Variants in ELMO1 observed in about 807,000 individuals in gnomAD.
The protein encoded by ELMO1 is engulfment and cell motility 1.
A neutral mutation model predicts 98.9 loss-of-function variants in ELMO1; 26 were observed. The observed-to-expected ratio is 0.26, with a 90% CI of 0.19 to 0.36. ELMO1 has a LOEUF of 0.36. Ranked by LOEUF, ELMO1 falls within the 10% of genes least tolerant of loss-of-function variation. ELMO1 has a pLI of 1.00. For synonymous variants in ELMO1, 346 were observed against 346.0 expected (o/e 1.00, Z 0.00); for missense variants, 627 against 935.2 (o/e 0.67, Z 4.30).
At chr7:36,959,828 G>A (rs1046617529) in intron 16 of ELMO1, among the ~76,000 whole-genome samples, 5 of 152,118 alleles carry the variant, frequency 3.3e-5, no homozygotes, top group Admixed American at 3.3e-4. Flanking sequence ...TTACAGGCAC[G>A]TGTGACCATG....
intron 16 of ELMO1, among the ~76,000 whole-genome samples, chr7:36,904,159 G>A (rs1584343685): frequency 6.6e-6 from 1 of 152,340 alleles, no homozygotes; most frequent in East Asian, 1.9e-4. Flanking sequence ...ATCAGAGCTG[G>A]GCAGCAATGA....
At chr7:37,077,358 T>C (rs1027513718) in intron 15 of ELMO1, among the ~76,000 whole-genome samples, 2 of 152,090 alleles carry the variant, frequency 1.3e-5, no homozygotes, top group Non-Finnish European at 2.9e-5. Flanking sequence ...CATTCTGGAA[T>C]GAGGACCCAG....
chr7:37,174,121 G>C (rs1329096159), intron 13 of ELMO1, among the ~76,000 whole-genome samples: 1 of 152,070 alleles, frequency 6.6e-6, no homozygotes, highest in Non-Finnish European at 1.5e-5. Context: ...TTAGTCTTCT[G>C]CCCTTCCCCA....
At chr7:37,050,765 T>C (rs940340363) in intron 15 of ELMO1, among the ~76,000 whole-genome samples, 1 of 147,214 alleles carries the variant, frequency 6.8e-6, no homozygotes, top group African/African-American at 2.6e-5. Context: ...ATACATACAA[T>C]TACCAAAAAA....
At chr7:37,341,683 A>C (rs1381560218) in intron 2 of ELMO1, among the ~76,000 whole-genome samples, 1 of 152,240 alleles carries the variant, frequency 6.6e-6, no homozygotes, top group Non-Finnish European at 1.5e-5. Flanking sequence ...TTGATCTGCC[A>C]CCAGATAATA....
intron 16 of ELMO1, among the ~76,000 whole-genome samples, chr7:36,993,455 T>A (rs1791998985): frequency 6.6e-6 from 1 of 152,178 alleles, no homozygotes; most frequent in East Asian, 1.9e-4. Flanking sequence ...CTTAAACCCA[T>A]CTTTCAATAG....
chr7:37,335,525 G>A (rs1401883430), intron 2 of ELMO1, among the ~76,000 whole-genome samples: 1 of 152,130 alleles, frequency 6.6e-6, no homozygotes, highest in Non-Finnish European at 1.5e-5. Flanking sequence ...TGAAGTCTCA[G>A]GAATACCAGA....
intron 14 of ELMO1, among the ~76,000 whole-genome samples, chr7:37,105,838 G>C (rs1038817367): frequency 1.3e-5 from 2 of 152,182 alleles, no homozygotes; most frequent in African/African-American, 4.8e-5. Context: ...TCCATAGAGA[G>C]AGAAGGCAGA....
intron 2 of ELMO1, among the ~76,000 whole-genome samples, chr7:37,333,365 C>T (rs917343404): frequency 1.3e-5 from 2 of 152,128 alleles, no homozygotes; most frequent in South Asian, 4.1e-4. Context: ...CTTAAGAAAA[C>T]ATAGTTAATA....
intron 4 of ELMO1, among the ~76,000 whole-genome samples, chr7:37,304,208 T>C (rs1326934527): frequency 2.6e-5 from 4 of 152,152 alleles, no homozygotes; most frequent in Non-Finnish European, 5.9e-5. Flanking sequence ...CTACTGCCAA[T>C]TTAGTTTGAG....
At position 36,983,207 on chromosome 7, in the gene ELMO1, C is replaced by A. The variant is rs534620189; in HGVS notation, c.1437+30092G>T. On this transcript the variant is annotated intron_variant, in intron 16 of 21. Coordinates refer to ENST00000310758, the MANE Select transcript of ELMO1 (RefSeq NM_014800.11). The stretch of plus-strand genomic sequence containing the variant: ...GTCTCCTAGGTAAATTGACCCAAAT[C>A]ATACCAGGCAAATAAATGCTACAGG... Among the ~76,000 whole-genome samples, 10 of 152,316 alleles carry A rather than the reference C, an allele frequency of 6.6e-5. No individual in the cohort carries two copies. In the East Asian group the frequency reaches 1.7e-3, roughly 26 times the overall value.
At chr7:36,994,666 T>C (rs1792084717) in intron 16 of ELMO1, among the ~76,000 whole-genome samples, 1 of 152,240 alleles carries the variant, frequency 6.6e-6, no homozygotes, top group Non-Finnish European at 1.5e-5. Context: ...TAGGGTGCTC[T>C]GTGTAGAAGC....
chr7:37,240,901 C>T (rs1381131148), intron 7 of ELMO1, among the ~76,000 whole-genome samples: 2 of 152,084 alleles, frequency 1.3e-5, no homozygotes, highest in Non-Finnish European at 2.9e-5. Flanking sequence ...GATGAACATT[C>T]CATGTGCATT....
At chr7:37,041,425 C>T (rs1433917707) in intron 15 of ELMO1, among the ~76,000 whole-genome samples, 3 of 152,228 alleles carry the variant, frequency 2.0e-5, no homozygotes, top group East Asian at 1.9e-4. Flanking sequence ...ACTGTGGCCC[C>T]GAGTTGGGAT....
intron 14 of ELMO1, among the ~76,000 whole-genome samples, chr7:37,113,504 C>T (rs1371785204): frequency 2.0e-5 from 3 of 152,134 alleles, no homozygotes; most frequent in East Asian, 3.9e-4. Flanking sequence ...CAGAAAGCTG[C>T]TCAGAGACTA....
At chr7:37,121,205 A>C (rs1786008052) in intron 14 of ELMO1, among the ~76,000 whole-genome samples, 1 of 152,196 alleles carries the variant, frequency 6.6e-6, no homozygotes, top group Non-Finnish European at 1.5e-5. Flanking sequence ...GAAAATTCTA[A>C]AAATCAGAGC....
intron 16 of ELMO1, among the ~76,000 whole-genome samples, chr7:36,909,074 A>C (rs1231337102): frequency 6.6e-6 from 1 of 152,252 alleles, no homozygotes; most frequent in Non-Finnish European, 1.5e-5. Flanking sequence ...CATATGCTTT[A>C]AACTATTACA....
intron 19 of ELMO1, among the ~76,000 whole-genome samples, chr7:36,877,350 T>C (rs1804064961): frequency 6.6e-6 from 1 of 152,240 alleles, no homozygotes; most frequent in African/African-American, 2.4e-5. Context: ...CTATAATACT[T>C]GTTTAATTTG....
At chr7:37,443,567 C>T (rs371083784) in intron 1 of ELMO1, among the ~76,000 whole-genome samples, 3 of 152,286 alleles carry the variant, frequency 2.0e-5, no homozygotes, top group Admixed American at 2.0e-4. Flanking sequence ...AAATTCTGCT[C>T]GTACCGTACC....
Sources: gnomAD v4.1 joint callset for allele counts (sites outside exome capture counted in the v4.1 genomes callset) on GRCh38, gnomAD v4.1.1 for gene constraint, MANE v1.5 for transcripts, NCBI Gene and HGNC (gene_info 2026-07-23, HGNC 2026-07-21) for gene names.